The following ZNF518A variants were observed in gnomAD, a reference collection of about 807,000 sequenced individuals.
The protein encoded by ZNF518A is zinc finger protein 518.
In ZNF518A, 47 loss-of-function variants were observed where a neutral mutation model predicts 102.7. The ratio of observed to expected loss-of-function variants is 0.46; its 90% CI spans 0.36 to 0.58. ZNF518A has a LOEUF of 0.58. ZNF518A is among the 20% of genes least tolerant of loss of function. The pLI is 0.00. For missense variants in ZNF518A, 1,793 were observed against 1,699.8 expected, an observed-to-expected ratio of 1.05 and a Z score of -0.96; for synonymous variants, 652 against 594.6, an observed-to-expected ratio of 1.10 and a Z score of -1.40.
At chr10:96,138,253 G>A (rs1409992342) in intron 3 of ZNF518A, among the ~76,000 whole-genome samples, 1 of 152,128 alleles carries the variant, frequency 6.6e-6, no homozygotes, top group Non-Finnish European at 1.5e-5. Context: ...TGCCCACAAT[G>A]CTCCAGTAGC....
intron 1 of ZNF518A, chr10:96,199,340 A>T (rs2083563707): frequency 3.9e-6 from 1 of 258,914 alleles, no homozygotes; most frequent in Non-Finnish European, 8.2e-6. Flanking sequence ...CTCTCCAAAC[A>T]TTTACTTCCA....
intron 1 of ZNF518A, among the ~76,000 whole-genome samples, chr10:96,201,714 G>C (rs1285309640): frequency 8.6e-6 from 1 of 116,514 alleles, no homozygotes. Context: ...GTGGAAACAT[G>C]TGAAATACGA....
chr10:96,179,779 T>TC (rs1178363544), intron 1 of ZNF518A, among the ~76,000 whole-genome samples: 1 of 150,368 alleles, frequency 6.7e-6, no homozygotes, highest in Non-Finnish European at 1.5e-5. Context: ...TTCTTCTTCC[T>TC]TTTCTTCTTC....
Position 96,159,861 on chromosome 10 carries a change from T to C in ZNF518A, c.3539T>C (p.Ile1180Thr), listed in dbSNP as rs782132319. The C allele has an allele frequency of 3.5e-5, 57 of 1,613,428 alleles. No homozygotes were observed. The Middle Eastern group carries it at 4.9e-4, about 14-fold the overall frequency. Residue 1180 changes from isoleucine to threonine, a missense_variant, in exon 6 of 6, where the codon ATA (isoleucine) becomes ACA (threonine). Physicochemically the swap from Ile to Thr is moderately conservative, Grantham distance 89. This residue lies in a region of ZNF518A where 1,741 missense variants were observed against 1,622.6 expected (regional missense o/e 1.07). Transcript: ENST00000316045. ...GACAACGTACCATCTAATCAGATTA[T>C]AGGAGGAGAGCAGAAAGAGCCAGAA... is the stretch of plus-strand genomic sequence containing the variant. ...QKDNVPSNQI[I>T]GGEQKEPESR...
Position 96,157,873 on chromosome 10 carries a change from ATCT to A in ZNF518A, c.1555_1557del (p.Ser519del), listed in dbSNP as rs2082774123. The A allele has an allele frequency of 4.3e-6, 7 of 1,613,924 alleles. No individual in the cohort carries two copies. Among genetic ancestry groups the A allele is most frequent in the East Asian group, 2.2e-5 (1 of 44,884 alleles). On this transcript the variant is annotated inframe_deletion, in exon 6 of 6. Coordinates refer to ENST00000316045, the MANE Select transcript of ZNF518A (RefSeq NM_001330736.2). ...AAGCAGCTACTCCATTTTCATGTTC[ATCT>A]TCTATACTTTCAGGGAAAGCAAGTT... is the stretch of plus-strand genomic sequence containing the variant.
downstream of ZNF518A, chr10:96,204,560 G>C: frequency 6.2e-7 from 1 of 1,614,074 alleles, no homozygotes; most frequent in Non-Finnish European, 8.5e-7. Flanking sequence ...ACTGGTGACT[G>C]CACAGCTTCT....
At chr10:96,168,611 A>G (rs1053186286), downstream of ZNF518A, among the ~76,000 whole-genome samples, 1 of 152,014 alleles carries the variant, frequency 6.6e-6, no homozygotes, top group South Asian at 2.1e-4. Context: ...GCTTTGCTGG[A>G]TATAGAATTT....
In ZNF518A at chr10:96,157,133, G is replaced by T; in HGVS notation, c.811G>T (p.Ala271Ser). Reference protein sequence around the residue: ...PFTCQYCSYGATRREHLVRHV... With the variant: ...PFTCQYCSYGSTRREHLVRHV... ...CACTTGTCAATATTGTAGCTATGGT[G>T]CCACCAGGAGAGAACACCTTGTAAG... Residue 271 changes from alanine (A) to serine (S), a missense_variant, in exon 6 of 6, where the codon GCC (alanine) becomes TCC (serine). By Grantham distance (99) the Ala-to-Ser change is moderately conservative (BLOSUM62 1). Coordinates refer to ENST00000316045, the MANE Select transcript of ZNF518A (RefSeq NM_001330736.2). The T allele has an allele frequency of 6.2e-7, 1 of 1,613,704 alleles. No homozygotes were observed. Among genetic ancestry groups the T allele is most frequent in the East Asian group, 2.2e-5 (1 of 44,872 alleles).
At chr10:96,136,718 A>T (rs983198576) in intron 3 of ZNF518A, among the ~76,000 whole-genome samples, 1 of 152,100 alleles carries the variant, frequency 6.6e-6, no homozygotes, top group African/African-American at 2.4e-5. Context: ...TTGCTCATAG[A>T]ACGTTCATTT....
intron 1 of ZNF518A, chr10:96,196,851 G>T: frequency 1.3e-6 from 2 of 1,527,862 alleles, no homozygotes; most frequent in Non-Finnish European, 1.8e-6. Flanking sequence ...TACAGTATTT[G>T]ATGTCATTAT....
chr10:96,149,610 G>T (rs184397057), intron 3 of ZNF518A, among the ~76,000 whole-genome samples: 1 of 152,094 alleles, frequency 6.6e-6, no homozygotes, highest in Non-Finnish European at 1.5e-5. Context: ...CTTAGGCCTC[G>T]TAAAGATTCA....
Position 96,157,132 on chromosome 10 carries a change from TGCC to T in ZNF518A, c.811_813del (p.Ala271del). The T allele has an allele frequency of 3.1e-6, 5 of 1,613,780 alleles. No homozygotes were observed. Among genetic ancestry groups the T allele is most frequent in the Non-Finnish European group, 4.2e-6 (5 of 1,179,780 alleles). Reference sequence around the variant, plus strand: ...TCACTTGTCAATATTGTAGCTATGGTGCCACCAGGAGAGAACACCTTGTAAGAC... The same window carrying T: ...TCACTTGTCAATATTGTAGCTATGGTACCAGGAGAGAACACCTTGTAAGAC... On this transcript the variant is annotated inframe_deletion, in exon 6 of 6. Transcript: ENST00000316045.
chr10:96,135,429 A>G (rs1414972811), intron 3 of ZNF518A: 3 of 152,218 alleles, frequency 2.0e-5, no homozygotes, highest in African/African-American at 7.2e-5. Flanking sequence ...GCCCTTATGA[A>G]TTTAAGGTCT....
At chr10:96,196,289 C>T (rs1449982791) in intron 1 of ZNF518A, among the ~76,000 whole-genome samples, 1 of 152,182 alleles carries the variant, frequency 6.6e-6, no homozygotes, top group Non-Finnish European at 1.5e-5. Context: ...TCATGGGTTA[C>T]TCCAGCTCAT....
chr10:96,137,118 A>G (rs2081635435), intron 3 of ZNF518A, among the ~76,000 whole-genome samples: 1 of 152,212 alleles, frequency 6.6e-6, no homozygotes, highest in African/African-American at 2.4e-5. Flanking sequence ...ACCTGCTAGC[A>G]TCTTTATTTA....
At position 96,156,596 on chromosome 10, in the gene ZNF518A, T is replaced by G. The variant is rs373104408; in HGVS notation, c.274T>G (p.Cys92Gly). 10 of 1,613,700 alleles carry G rather than the reference T, an allele frequency of 6.2e-6. No individual in the cohort carries two copies. Among genetic ancestry groups the G allele is most frequent in the Non-Finnish European group, 8.5e-6 (10 of 1,179,770 alleles). The change falls in exon 6 of 6, where the codon TGT becomes GGT. Residue 92 changes from cysteine (C) to glycine (G), a missense_variant. By Grantham distance (159) the Cys-to-Gly change is radical (BLOSUM62 -3). Around this residue, in one of 3 missense-constraint regions of ZNF518A, gnomAD observed 1,741 missense variants for 1,622.6 expected, o/e 1.07. Coordinates refer to ENST00000316045, the MANE Select transcript of ZNF518A (RefSeq NM_001330736.2). The stretch of plus-strand genomic sequence containing the variant: ...ATCTATCAGTATAAAGACTGTAAGC[T>G]GTGTAGAGGAGTGTACATTGCTTCA... ...RKSISIKTVS[C>G]VEECTLLHKS...
Position 96,158,230 on chromosome 10 carries a change from A to G in ZNF518A, c.1908A>G (p.Ser636=). The part of the protein sequence containing the change: ...ELPVESSNQG[S]LPFHNYSKVN... ...CTGTTGAATCCTCCAACCAAGGATC[A>G]TTACCTTTTCATAATTACTCAAAAG... The change falls in exon 6 of 6, where the codon TCA becomes TCG. Residue 636 remains serine (S), a synonymous_variant. Coordinates refer to ENST00000316045, the MANE Select transcript of ZNF518A (RefSeq NM_001330736.2). 3.7e-6 allele frequency: 6 copies of G among 1,613,754 alleles called. No homozygotes were observed. The highest frequency in any genetic ancestry group is 5.1e-6 in the Non-Finnish European group (6 of 1,179,748).
At position 96,157,518 on chromosome 10, in the gene ZNF518A, G is replaced by C; in HGVS notation, c.1196G>C (p.Gly399Ala). The C allele has an allele frequency of 6.2e-7, 1 of 1,613,784 alleles. No individual in the cohort carries two copies. The highest frequency in any genetic ancestry group is 8.5e-7 in the Non-Finnish European group (1 of 1,179,766). Residue 399 changes from glycine (G) to alanine (A), a missense_variant, in exon 6 of 6, where the codon GGG becomes GCG. Coordinates refer to ENST00000316045, the MANE Select transcript of ZNF518A (RefSeq NM_001330736.2). The stretch of plus-strand genomic sequence containing the variant: ...GAGAAGCCAACTCCTCTGTCCACTG[G>C]GCAAGGTAATAGAGCTGAAGAGGGA... Reference protein sequence around the residue: ...ESEKPTPLSTGQGNRAEEGPN... With the variant: ...ESEKPTPLSTAQGNRAEEGPN...
chr10:96,162,375 A>T lies in ZNF518A; in HGVS notation c.*1601A>T, dbSNP rs1165530923. ...ATTCGTTCTTCAGGGATTGAACACTATTGTTAGCAAGTGCCTAAAAAAGAT... is the reference window on the plus strand; with the variant it reads ...ATTCGTTCTTCAGGGATTGAACACTTTTGTTAGCAAGTGCCTAAAAAAGAT... On this transcript the variant is annotated 3_prime_UTR_variant, in exon 6 of 6. Transcript: ENST00000316045. 6.0e-6 allele frequency: 1 copy of T among 166,910 alleles called. No individual in the cohort carries two copies. The highest frequency in any genetic ancestry group is 1.5e-5 in the Non-Finnish European group (1 of 68,036). 10.3% of individuals were successfully genotyped at this position (166,910 alleles called of 1,614,324 possible).
Sources: gnomAD v4.1 joint callset for allele counts (sites outside exome capture counted in the v4.1 genomes callset) on GRCh38, gnomAD v4.1.1 for gene constraint, gnomAD v4.1.1 regional missense constraint, MANE v1.5 for transcripts, NCBI Gene and HGNC (gene_info 2026-07-23, HGNC 2026-07-21) for gene names.